The following FRMD4B variants were observed in gnomAD, a reference collection of about 807,000 sequenced individuals.
FRMD4B encodes the protein FERM domain-containing protein 4B.
Under a neutral mutation model 141.5 loss-of-function variants are expected in FRMD4B, and 74 were observed. The ratio of observed to expected loss-of-function variants is 0.52; its 90% CI spans 0.43 to 0.63. The LOEUF (loss-of-function observed/expected upper bound fraction) is 0.63. Among genes scored for constraint, FRMD4B ranks in the 30% least tolerant of loss-of-function variants. The pLI is 0.00. For missense variants in FRMD4B, 1,366 were observed against 1,253.4 expected (o/e 1.09, Z -1.36); for synonymous variants, 506 against 467.9 (o/e 1.08, Z -1.05).
chr3:69,503,779 C>T (rs947277349), intron 1 of FRMD4B, among the ~76,000 whole-genome samples: 2 of 152,180 alleles, frequency 1.3e-5, no homozygotes. Flanking sequence ...TGGAGATCAC[C>T]AGCTAAACAG....
rs1469978197 is a variant in FRMD4B, at chr3:69,366,479, T to C, written c.162+19349A>G. 7.7e-5 allele frequency among the ~76,000 whole-genome samples: 8 copies of C among 103,744 alleles called. No individual in the cohort carries two copies. The East Asian group carries it at 1.9e-3, about 24-fold the overall frequency. The allele number at this position is 103,744 out of a possible 152,430, so 68.1% of individuals were successfully genotyped here. ...GTGATCTCACCTCGTGATCATGGTA[T>C]CTCCCCTGCCAGGTAAGTATAGGGT... is the stretch of plus-strand genomic sequence containing the variant. On this transcript the variant is annotated intron_variant, in intron 1 of 22. Coordinates refer to ENST00000398540, the MANE Select transcript of FRMD4B (RefSeq NM_015123.3).
At chr3:69,257,397 G>A (rs73838328) in intron 5 of FRMD4B, among the ~76,000 whole-genome samples, 6,561 of 152,084 alleles carry the variant, frequency 0.043, 194 homozygotes, top group East Asian at 0.1. Context: ...TTTTCATATC[G>A]ATATTGACTG....
chr3:69,500,209 G>T (rs916501000), intron 1 of FRMD4B, among the ~76,000 whole-genome samples: 6 of 152,210 alleles, frequency 3.9e-5, no homozygotes, highest in African/African-American at 1.4e-4. Context: ...TCTGGAGTTG[G>T]CTTCAGACAA....
At chr3:69,278,286 C>A (rs918574596) in intron 5 of FRMD4B, among the ~76,000 whole-genome samples, 1 of 152,132 alleles carries the variant, frequency 6.6e-6, no homozygotes, top group Admixed American at 6.5e-5. Flanking sequence ...TGCAGGACTT[C>A]TTGAAGCCTT....
intron 22 of FRMD4B, among the ~76,000 whole-genome samples, chr3:69,172,857 G>A (rs2092602872): frequency 1.3e-5 from 2 of 152,098 alleles, no homozygotes; most frequent in African/African-American, 2.4e-5. Flanking sequence ...ACATTCCAAA[G>A]TATTTTAGTA....
chr3:69,189,981 C>A (rs777935443), intron 17 of FRMD4B, 29 bp from the exon 18 acceptor site: 6 of 1,361,394 alleles, frequency 4.4e-6, no homozygotes, highest in African/African-American at 4.3e-5. Flanking sequence ...GCCTTTAGTA[C>A]AATTGTGCAT....
At chr3:69,267,121 G>C (rs544216915) in intron 5 of FRMD4B, among the ~76,000 whole-genome samples, 2 of 152,132 alleles carry the variant, frequency 1.3e-5, no homozygotes, top group Non-Finnish European at 2.9e-5. Flanking sequence ...CAGGGTGTAG[G>C]TTTCTGTGTT....
intron 1 of FRMD4B, among the ~76,000 whole-genome samples, chr3:69,516,085 T>C (rs1242651911): frequency 6.6e-6 from 1 of 151,804 alleles, no homozygotes; most frequent in Non-Finnish European, 1.5e-5. Context: ...ATTAGCCAGG[T>C]GTGGTGGTGC....
Position 69,414,614 on chromosome 3 carries a change from A to C in FRMD4B, c.-1+18020T>G, listed in dbSNP as rs114173615. On this transcript the variant is annotated intron_variant, in intron 2 of 5. Transcript: ENST00000459638. ...AGGGTTGAATCAATAGATGCTGTTT[A>C]TTGCTCCAGGTGAGCAGTGCCATCA... 6.1e-3 allele frequency among the ~76,000 whole-genome samples: 930 copies of C among 151,982 alleles called. 10 individuals are homozygous for C. The highest frequency in any genetic ancestry group is 8.4e-3 in the Non-Finnish European group (568 of 67,966).
At chr3:69,310,478 T>C (rs1472780885) in intron 3 of FRMD4B, 3 of 456,384 alleles carry the variant, frequency 6.6e-6, no homozygotes, top group Non-Finnish European at 1.3e-5. Context: ...AGGATTCCTC[T>C]GATAATGTAT....
At chr3:69,301,183 G>C (rs1293377784) in intron 4 of FRMD4B, among the ~76,000 whole-genome samples, 1 of 152,154 alleles carries the variant, frequency 6.6e-6, no homozygotes, top group African/African-American at 2.4e-5. Flanking sequence ...TTCTAAGAAG[G>C]GGAGCAAAGT....
chr3:69,377,014 T>C (rs1197607749), intron 1 of FRMD4B: 2 of 152,136 alleles, frequency 1.3e-5, no homozygotes, highest in African/African-American at 4.8e-5. Flanking sequence ...TTGATGCTTT[T>C]CAAGCTGTGC....
At chr3:69,271,470 G>A (rs2093594064) in intron 5 of FRMD4B, among the ~76,000 whole-genome samples, 1 of 152,176 alleles carries the variant, frequency 6.6e-6, no homozygotes, top group African/African-American at 2.4e-5. Context: ...ACAGCACGAT[G>A]AAAAGGTCCT....
chr3:69,266,710 T>G (rs2093563877), intron 5 of FRMD4B, among the ~76,000 whole-genome samples: 1 of 152,258 alleles, frequency 6.6e-6, no homozygotes, highest in Middle Eastern at 3.4e-3. Flanking sequence ...ATGTTGAAGG[T>G]GATTCAATTA....
intron 11 of FRMD4B, among the ~76,000 whole-genome samples, chr3:69,208,286 A>G (rs59076594): frequency 0.13 from 19,259 of 151,372 alleles, 1,369 homozygotes; most frequent in East Asian, 0.35. Flanking sequence ...CTGGTTTCCA[A>G]CTCCTCACCT....
intron 7 of FRMD4B, among the ~76,000 whole-genome samples, chr3:69,238,012 G>T (rs546621187): frequency 6.6e-6 from 1 of 152,180 alleles, no homozygotes; most frequent in Non-Finnish European, 1.5e-5. Flanking sequence ...GATTACAGGC[G>T]TGAGCCACAG....
exon 2 of FRMD4B, chr3:69,432,647 G>A (rs1553642439): frequency 6.6e-6 from 1 of 152,096 alleles, no homozygotes; most frequent in Non-Finnish European, 1.5e-5. Flanking sequence ...TAACTAGTAA[G>A]TATTCTCTTG....
intron 1 of FRMD4B, among the ~76,000 whole-genome samples, chr3:69,438,398 G>A (rs1271680581): frequency 3.3e-5 from 5 of 152,158 alleles, no homozygotes; most frequent in South Asian, 2.1e-4. Context: ...GAGCCACTGC[G>A]TCCAGCCTTG....
intron 8 of FRMD4B, 147 bp from the exon 9 acceptor site, chr3:69,222,070 T>C (rs967167678): frequency 5.5e-5 from 34 of 621,862 alleles, no homozygotes; most frequent in Non-Finnish European, 9.1e-5. Context: ...CTTTTGTTTC[T>C]GTAGGAGATG....
Sources: allele counts gnomAD v4.1 joint callset (sites outside exome capture counted in the v4.1 genomes callset), GRCh38; gene constraint gnomAD v4.1.1; transcripts MANE v1.5; gene names NCBI Gene and HGNC (gene_info 2026-07-23, HGNC 2026-07-21).